VEPH1: variants seen among roughly 807,000 people sequenced by gnomAD.
The protein encoded by VEPH1 is ventricular zone expressed PH domain containing 1.
Under a neutral mutation model 85.2 loss-of-function variants are expected in VEPH1, and 80 were observed. The observed-to-expected ratio is 0.94, with a 90% CI of 0.78 to 1.13. VEPH1 has a LOEUF of 1.13. Ranked by LOEUF, VEPH1 falls within the 50% of genes most tolerant of loss-of-function variation. VEPH1 has a pLI of 0.00. For missense variants in VEPH1, 955 were observed against 980.5 expected (o/e 0.97, Z 0.35); for synonymous variants, 297 against 348.0 (o/e 0.85, Z 1.63).
intron 6 of VEPH1, 96 bp from the exon 7 acceptor site, chr3:157,381,472 A>G: frequency 1.6e-6 from 2 of 1,270,656 alleles, no homozygotes; most frequent in South Asian, 1.3e-5. Flanking sequence ...TGGGAGGCTG[A>G]GGTGGGTGGA....
intron 4 of VEPH1, chr3:157,438,037 GCACACACACA>G (rs781700719): frequency 1.4e-4 from 71 of 516,102 alleles, no homozygotes; most frequent in Middle Eastern, 5.1e-4. Flanking sequence ...GCGCGCGCGC[GCACACACACA>G]CACACACACA....
At chr3:157,391,150 G>C (rs1337642950) in intron 6 of VEPH1, among the ~76,000 whole-genome samples, 2 of 152,232 alleles carry the variant, frequency 1.3e-5, no homozygotes, top group South Asian at 4.1e-4. Context: ...TGGGGTCTGG[G>C]CCAGTAGTGT....
At chr3:157,486,102 AG>A in intron 2 of VEPH1, among the ~76,000 whole-genome samples, 1 of 150,210 alleles carries the variant, frequency 6.7e-6, no homozygotes, top group East Asian at 1.9e-4. Flanking sequence ...ATCATTAACA[AG>A]AGTTATTTAA....
chr3:157,362,099 C>A (rs1438936819), intron 9 of VEPH1, among the ~76,000 whole-genome samples: 1 of 151,874 alleles, frequency 6.6e-6, no homozygotes, highest in African/African-American at 2.4e-5. Flanking sequence ...GGTGCGATAT[C>A]GGCTCACTGC....
chr3:157,427,018 T>C lies in VEPH1; in HGVS notation c.696+1304A>G, dbSNP rs375965935. ...TTTTTTTTTTTTTGAGATAGAGTCT[T>C]GCTCTGTTGCCCAGGCTGGAGCGCA... is the stretch of plus-strand genomic sequence containing the variant. On this transcript the variant is annotated intron_variant, in intron 5 of 13. Transcript: ENST00000362010. Among the ~76,000 whole-genome samples, 4 of 151,468 alleles carry C rather than the reference T, an allele frequency of 2.6e-5. No homozygotes were observed. In the East Asian group the frequency reaches 5.8e-4, roughly 22 times the overall value.
intron 6 of VEPH1, among the ~76,000 whole-genome samples, chr3:157,384,998 C>A (rs149755375): frequency 1.3e-5 from 2 of 152,222 alleles, no homozygotes; most frequent in East Asian, 3.9e-4. Context: ...AAATAGCTGG[C>A]CCAGAGAGGG....
At chr3:157,280,292 A>G (rs1485639493) in intron 12 of VEPH1, among the ~76,000 whole-genome samples, 1 of 152,136 alleles carries the variant, frequency 6.6e-6, no homozygotes, top group Non-Finnish European at 1.5e-5. Flanking sequence ...CTCCTCATCT[A>G]TATATTGGCT....
At chr3:157,480,709 C>G (rs1737961119) in intron 2 of VEPH1, among the ~76,000 whole-genome samples, 1 of 152,064 alleles carries the variant, frequency 6.6e-6, no homozygotes, top group African/African-American at 2.4e-5. Flanking sequence ...TAATGACCAC[C>G]TAGGTTGATT....
At chr3:157,394,656 T>C (rs1158009008) in intron 6 of VEPH1, among the ~76,000 whole-genome samples, 1 of 152,100 alleles carries the variant, frequency 6.6e-6, no homozygotes, top group Non-Finnish European at 1.5e-5. Flanking sequence ...GCAGATCACA[T>C]GGTGAATGCA....
intron 6 of VEPH1, among the ~76,000 whole-genome samples, chr3:157,395,070 C>A (rs1654427994): frequency 6.6e-6 from 1 of 152,172 alleles, no homozygotes; most frequent in Non-Finnish European, 1.5e-5. Context: ...CATGGTAAGA[C>A]CAGTGAACGC....
At chr3:157,292,809 TAA>T (rs11332321) in intron 11 of VEPH1, among the ~76,000 whole-genome samples, 25,317 of 98,540 alleles carry the variant, frequency 0.26, 2,879 homozygotes, top group Non-Finnish European at 0.3. Context: ...CCCTCTCTAC[TAA>T]AAAAAAAAAA....
intron 4 of VEPH1, chr3:157,437,097 T>C: frequency 6.2e-7 from 1 of 1,606,868 alleles, no homozygotes; most frequent in Non-Finnish European, 8.5e-7. Flanking sequence ...CTGCTAACCC[T>C]GACTACATAT....
chr3:157,428,297 A>G (rs1732895189), intron 5 of VEPH1, 25 bp downstream of exon 5: 5 of 1,612,096 alleles, frequency 3.1e-6, no homozygotes, highest in African/African-American at 1.3e-5. Context: ...TGTGTGCACC[A>G]TGACATATAC....
intron 3 of VEPH1, among the ~76,000 whole-genome samples, chr3:157,461,311 G>A (rs1336813061): frequency 6.6e-6 from 1 of 151,680 alleles, no homozygotes; most frequent in East Asian, 1.9e-4. Flanking sequence ...AAAATGAATG[G>A]TACATATTCA....
chr3:157,349,704 A>G (rs1724636311), intron 9 of VEPH1, among the ~76,000 whole-genome samples: 1 of 152,160 alleles, frequency 6.6e-6, no homozygotes, highest in Non-Finnish European at 1.5e-5. Flanking sequence ...CAAAAAAATC[A>G]TTAGTGTTTC....
At chr3:157,306,810 C>T (rs1042160126) in intron 11 of VEPH1, among the ~76,000 whole-genome samples, 1 of 151,720 alleles carries the variant, frequency 6.6e-6, no homozygotes, top group Non-Finnish European at 1.5e-5. Flanking sequence ...TTTAGTGCAC[C>T]CTTCATCTAA....
At chr3:157,340,293 C>T (rs577706898) in intron 9 of VEPH1, among the ~76,000 whole-genome samples, 33 of 152,314 alleles carry the variant, frequency 2.2e-4, no homozygotes, top group Admixed American at 1.1e-3. Flanking sequence ...CTGTGACAGA[C>T]GGCACCTGGA....
chr3:157,452,415 A>C (rs1560073542), intron 4 of VEPH1, among the ~76,000 whole-genome samples: 1 of 152,226 alleles, frequency 6.6e-6, no homozygotes, highest in Non-Finnish European at 1.5e-5. Context: ...GCCCAAGAAA[A>C]GGGCCTTAGT....
intron 4 of VEPH1, among the ~76,000 whole-genome samples, chr3:157,445,843 C>T (rs1214904395): frequency 6.6e-6 from 1 of 152,088 alleles, no homozygotes; most frequent in African/African-American, 2.4e-5. Context: ...GCACTTTATT[C>T]TCCCTAAAAC....
Sources: allele counts gnomAD v4.1 joint callset (sites outside exome capture counted in the v4.1 genomes callset), GRCh38; gene constraint gnomAD v4.1.1; transcripts MANE v1.5; gene names NCBI Gene and HGNC (gene_info 2026-07-23, HGNC 2026-07-21).